The following BIRC6 variants were observed in gnomAD, a reference collection of about 807,000 sequenced individuals.
BIRC6 encodes the protein dual E2 ubiquitin-conjugating enzyme/E3 ubiquitin-protein ligase BIRC6.
A neutral mutation model predicts 503.3 loss-of-function variants in BIRC6; 98 were observed. The ratio of observed to expected loss-of-function variants is 0.19; its 90% CI spans 0.17 to 0.23. BIRC6 has a LOEUF of 0.23. Among genes scored for constraint, BIRC6 ranks in the 10% least tolerant of loss-of-function variants. The probability of loss-of-function intolerance (pLI) is 1.00; values close to 1 mark genes in which losing one functional copy is unlikely to be tolerated. For missense variants in BIRC6, 5,360 were observed against 5,806.0 expected (o/e 0.92, Z 2.50); for synonymous variants, 2,240 against 2,078.7 (o/e 1.08, Z -2.11).
At chr2:32,485,606 G>T (rs1275170648) in intron 39 of BIRC6, 37 bp from the exon 40 acceptor site, 1 of 1,363,734 alleles carries the variant, frequency 7.3e-7, no homozygotes, top group Non-Finnish European at 1.0e-6. Flanking sequence ...AGTAATAATT[G>T]TCAATGTTTT....
intron 23 of BIRC6, among the ~76,000 whole-genome samples, chr2:32,455,337 G>T (rs1217096464): frequency 7.0e-6 from 1 of 143,672 alleles, no homozygotes; most frequent in Non-Finnish European, 1.5e-5. Context: ...CTGAGATCGC[G>T]CTACTGCATT....
At chr2:32,465,806 T>C (rs890626725) in intron 26 of BIRC6, among the ~76,000 whole-genome samples, 1 of 152,224 alleles carries the variant, frequency 6.6e-6, no homozygotes, top group African/African-American at 2.4e-5. Flanking sequence ...CACTGTAGCA[T>C]GTATCATTAT....
In BIRC6 at chr2:32,575,254, C is replaced by T. The variant is rs1258001986; in HGVS notation, c.13243C>T (p.Leu4415Phe). 6.2e-7 allele frequency: 1 copy of T among 1,613,954 alleles called. No homozygotes were observed. Among genetic ancestry groups the T allele is most frequent in the East Asian group, 2.2e-5 (1 of 44,880 alleles). Reference sequence around the variant, plus strand: ...TGCCATGGTGCCCCTATTGTTGCCCCTTTCTACAGAGAACGGTGAAGAGGA... The same window carrying T: ...TGCCATGGTGCCCCTATTGTTGCCCTTTTCTACAGAGAACGGTGAAGAGGA... ...CAAMVPLLLP[L>F]STENGEEEEE... Residue 4415 changes from leucine (L) to phenylalanine (F), a missense_variant, in exon 66 of 74, where the codon CTT becomes TTT. Coordinates refer to ENST00000421745, the MANE Select transcript of BIRC6 (RefSeq NM_016252.4).
At chr2:32,443,450 G>C in intron 19 of BIRC6, 41 bp from the exon 20 acceptor site, 1 of 1,390,030 alleles carries the variant, frequency 7.2e-7, no homozygotes. Flanking sequence ...TTTAGACCTT[G>C]AGTAATGTCT....
At chr2:32,443,408 T>A in intron 19 of BIRC6, 83 bp from the exon 20 acceptor site, 1 of 915,582 alleles carries the variant, frequency 1.1e-6, no homozygotes, top group Non-Finnish European at 1.6e-6. Context: ...ATTTTAAAGA[T>A]TTTTAGGTAC....
In BIRC6 at chr2:32,470,231, CT is replaced by C; in HGVS notation, c.6413del (p.Leu2138TyrfsTer26). 1 of 1,571,618 alleles carries C rather than the reference CT, an allele frequency of 6.4e-7. No homozygotes were observed. Among genetic ancestry groups the C allele is most frequent in the Admixed American group, 1.9e-5 (1 of 53,618 alleles). On this transcript the variant is annotated frameshift_variant, in exon 31 of 74. Coordinates refer to ENST00000421745, the MANE Select transcript of BIRC6 (RefSeq NM_016252.4). LOFTEE classifies it high-confidence loss of function. ...SLSNSGVLES[L>X]LNLLDNLLSP... ...TTAGTAATAGTGGAGTATTAGAAAG[CT>C]TACTTAATCTCTTGGATAATTTATT...
chr2:32,533,075 T>C (rs1170150959), intron 61 of BIRC6, among the ~76,000 whole-genome samples: 1 of 152,164 alleles, frequency 6.6e-6, no homozygotes. Flanking sequence ...GTAAGGATCA[T>C]AGGGGAGAAA....
rs1558789713 is a variant in BIRC6, at chr2:32,461,052, CTT to C, written c.4754-2141_4754-2140del. Among the ~76,000 whole-genome samples, 360 of 65,788 alleles carry C rather than the reference CTT, an allele frequency of 5.5e-3. 12 individuals carry two copies. The highest frequency in any genetic ancestry group is 0.015 in the African/African-American group (306 of 21,074). The allele number at this position is 65,788 out of a possible 152,430, so 43.2% of individuals were successfully genotyped here. A position where few individuals can be genotyped will look rare whatever the true frequency, so the allele number is the denominator to read the frequency against. ...CTTCTCTTCTCTTCTCTTCTCTTCT[CTT>C]CTCTTCTCTTCTGTTCTCCTCTCCT... On this transcript the variant is annotated intron_variant, in intron 23 of 73. Coordinates refer to ENST00000421745, the MANE Select transcript of BIRC6 (RefSeq NM_016252.4).
At chr2:32,399,850 C>T (rs1310605522) in intron 6 of BIRC6, among the ~76,000 whole-genome samples, 3 of 152,054 alleles carry the variant, frequency 2.0e-5, no homozygotes, top group East Asian at 1.9e-4. Context: ...TGCAGTGGCA[C>T]GATCGTAGCT....
intron 42 of BIRC6, 61 bp from the exon 43 acceptor site, chr2:32,489,980 C>A: frequency 8.7e-7 from 1 of 1,149,558 alleles, no homozygotes; most frequent in Non-Finnish European, 1.3e-6. Context: ...ATTCTTTTGA[C>A]TTAGTTCTTC....
At chr2:32,367,683 G>T (rs984081609) in intron 1 of BIRC6, among the ~76,000 whole-genome samples, 2 of 151,964 alleles carry the variant, frequency 1.3e-5, no homozygotes, top group Non-Finnish European at 2.9e-5. Context: ...GGGTGTGGTG[G>T]TGTACACTTG....
At chr2:32,558,066 G>A (rs2058905196) in intron 65 of BIRC6, among the ~76,000 whole-genome samples, 1 of 152,062 alleles carries the variant, frequency 6.6e-6, no homozygotes, top group Admixed American at 6.5e-5. Flanking sequence ...TATACATGTT[G>A]CATTTCTTGC....
At chr2:32,398,819 A>C (rs533121409) in intron 6 of BIRC6, among the ~76,000 whole-genome samples, 154 of 152,262 alleles carry the variant, frequency 1.0e-3, no homozygotes, top group Middle Eastern at 3.4e-3. Context: ...CGCTAGATTT[A>C]GCTGGGAGGG....
chr2:32,593,976 G>A lies in BIRC6; in HGVS notation c.13417G>A (p.Gly4473Arg). Residue 4473 changes from glycine to arginine, a missense_variant, in exon 67 of 74, where the codon GGA (glycine) becomes AGA (arginine). Transcript: ENST00000421745. Reference sequence around the variant, plus strand: ...AGATGCGTCTGATCAAGAACCAGAAGGACTTACTCTTTTGGTACCAGACAT... The same window carrying A: ...AGATGCGTCTGATCAAGAACCAGAAAGACTTACTCTTTTGGTACCAGACAT... ...KPDASDQEPE[G>R]LTLLVPDIQK... The A allele has an allele frequency of 6.2e-7, 1 of 1,613,690 alleles. No individual in the cohort carries two copies. Among genetic ancestry groups the A allele is most frequent in the Non-Finnish European group, 8.5e-7 (1 of 1,179,720 alleles).
At chr2:32,510,150 G>T (rs1001286803) in intron 52 of BIRC6, among the ~76,000 whole-genome samples, 156 bp downstream of exon 52, 1 of 152,118 alleles carries the variant, frequency 6.6e-6, no homozygotes, top group Non-Finnish European at 1.5e-5. Flanking sequence ...TCACTCTGTT[G>T]CCCAGGCTGG....
At chr2:32,599,198 G>A (rs1206408635) in intron 69 of BIRC6, among the ~76,000 whole-genome samples, 1 of 151,530 alleles carries the variant, frequency 6.6e-6, no homozygotes, top group Non-Finnish European at 1.5e-5. Context: ...GCATGGTGGT[G>A]CATGCCTGTA....
Position 32,515,199 on chromosome 2 carries a change from C to T in BIRC6, c.10778C>T (p.Thr3593Ile). 6.2e-7 allele frequency: 1 copy of T among 1,613,812 alleles called. No individual in the cohort carries two copies. The highest frequency in any genetic ancestry group is 8.5e-7 in the Non-Finnish European group (1 of 1,179,756). Residue 3593 changes from threonine to isoleucine, a missense_variant, in exon 55 of 74, where the codon ACA becomes ATA. By Grantham distance (89) the Thr-to-Ile change is moderately conservative (BLOSUM62 -1). This residue lies in a region of BIRC6 where 878 missense variants were observed against 928.9 expected (regional missense o/e 0.95). Transcript: ENST00000421745. ...AAGCAGGATCTTAGTTCATCTTTAA[C>T]AGATGACTCTAAAAATGCACAAGCA... ...SKKQDLSSSL[T>I]DDSKNAQAPL...
intron 71 of BIRC6, 33 bp downstream of exon 71, chr2:32,603,116 G>C: frequency 1.3e-6 from 2 of 1,566,830 alleles, no homozygotes; most frequent in Non-Finnish European, 1.7e-6. Flanking sequence ...TTTCACTTAA[G>C]AAATAAAGAA....
chr2:32,468,072 T>G lies in BIRC6; in HGVS notation c.5741T>G (p.Leu1914Ter). The G allele has an allele frequency of 6.2e-7, 1 of 1,613,954 alleles. No homozygotes were observed. Among genetic ancestry groups the G allele is most frequent in the Non-Finnish European group, 8.5e-7 (1 of 1,179,874 alleles). The stretch of plus-strand genomic sequence containing the variant: ...AACCAGCCAGAAATTGACCAGCATT[T>G]AGCAATGATGGTTGCTTTGCAGGAG... ...SANQPEIDQH[L>*]AMMVALQEDI... Residue 1914 changes from leucine to a stop codon, truncating the protein, a stop_gained, in exon 28 of 74, where the codon TTA (leucine) becomes TGA (stop). Transcript: ENST00000421745. LOFTEE classifies it high-confidence loss of function.
Sources: gnomAD v4.1 joint callset for allele counts (sites outside exome capture counted in the v4.1 genomes callset) on GRCh38, gnomAD v4.1.1 for gene constraint, gnomAD v4.1.1 regional missense constraint, MANE v1.5 for transcripts, NCBI Gene and HGNC (gene_info 2026-07-23, HGNC 2026-07-21) for gene names.